SLC4A5: variants seen among roughly 807,000 people sequenced by gnomAD.
SLC4A5 encodes the protein solute carrier family 4 member 5, also known as electrogenic sodium bicarbonate cotransporter 4.
A neutral mutation model predicts 120.4 loss-of-function variants in SLC4A5; 96 were observed. That is an observed-to-expected ratio of 0.80 (90% CI 0.68 to 0.94). The LOEUF is 0.94. SLC4A5 is among the 40% of genes least tolerant of loss of function. SLC4A5 has a pLI of 0.00. For synonymous variants in SLC4A5, 550 were observed against 571.1 expected (o/e 0.96, Z 0.53); for missense variants, 1,259 against 1,459.5 (o/e 0.86, Z 2.24).
chr2:74,247,441 G>A, intron 18 of SLC4A5, 134 bp from the exon 19 acceptor site: 1 of 890,034 alleles, frequency 1.1e-6, no homozygotes, highest in African/African-American at 1.7e-5. Flanking sequence ...TGAAAGACTG[G>A]GGACAGGGAC....
intron 7 of SLC4A5, among the ~76,000 whole-genome samples, chr2:74,293,672 C>T (rs1300303901): frequency 2.0e-5 from 3 of 152,188 alleles, no homozygotes; most frequent in Non-Finnish European, 4.4e-5. Context: ...CCCGGCTCTT[C>T]GTTTTGCTTT....
chr2:74,276,930 T>C (rs1457639268), intron 8 of SLC4A5, among the ~76,000 whole-genome samples: 2 of 152,024 alleles, frequency 1.3e-5, no homozygotes, highest in East Asian at 1.9e-4. Flanking sequence ...AAGAAGCTGG[T>C]TGCAGAAGAG....
chr2:74,318,124 C>A (rs1673010843), intron 5 of SLC4A5, among the ~76,000 whole-genome samples: 1 of 151,894 alleles, frequency 6.6e-6, no homozygotes, highest in Admixed American at 6.6e-5. Context: ...AAACAGACAA[C>A]CTACAGAATG....
chr2:74,338,474 A>G (rs553765896), intron 3 of SLC4A5, among the ~76,000 whole-genome samples: 13 of 152,222 alleles, frequency 8.5e-5, no homozygotes, highest in Non-Finnish European at 1.6e-4. Flanking sequence ...TGAGATGCAG[A>G]TAAGCACAGC....
chr2:74,282,614 C>T (rs1573059015), intron 8 of SLC4A5, among the ~76,000 whole-genome samples: 1 of 152,234 alleles, frequency 6.6e-6, no homozygotes, highest in African/African-American at 2.4e-5. Flanking sequence ...GGTTCCTTCA[C>T]TGGGTCTGGA....
At chr2:74,300,972 C>G (rs1052336022) in intron 7 of SLC4A5, among the ~76,000 whole-genome samples, 1 of 152,140 alleles carries the variant, frequency 6.6e-6, no homozygotes, top group Non-Finnish European at 1.5e-5. Context: ...TTCAAGGAAG[C>G]ATCAAATTTC....
chr2:74,238,130 T>C (rs1444800682), intron 21 of SLC4A5, among the ~76,000 whole-genome samples: 1 of 151,736 alleles, frequency 6.6e-6, no homozygotes, highest in Non-Finnish European at 1.5e-5. Flanking sequence ...AAAATAATAA[T>C]AACATAGCAG....
chr2:74,317,590 T>A (rs1318739116), intron 5 of SLC4A5, among the ~76,000 whole-genome samples: 1 of 152,124 alleles, frequency 6.6e-6, no homozygotes, highest in Non-Finnish European at 1.5e-5. Flanking sequence ...CTACTCAGAA[T>A]ATGGAGGGGC....
chr2:74,232,705 G>A, intron 23 of SLC4A5, 58 bp from the exon 24 acceptor site: 1 of 1,583,532 alleles, frequency 6.3e-7, no homozygotes, highest in Non-Finnish European at 8.6e-7. Context: ...CCTCCTGGAT[G>A]CAACCATTCT....
chr2:74,260,381 CT>C (rs1039888439), intron 11 of SLC4A5, among the ~76,000 whole-genome samples: 1 of 152,084 alleles, frequency 6.6e-6, no homozygotes, highest in Non-Finnish European at 1.5e-5. Context: ...CTCTCATCCC[CT>C]CCAGGTGCCT....
At chr2:74,263,977 G>C (rs540289716) in intron 10 of SLC4A5, among the ~76,000 whole-genome samples, 170 bp downstream of exon 10, 1 of 152,234 alleles carries the variant, frequency 6.6e-6, no homozygotes, top group East Asian at 1.9e-4. Context: ...GGAACAACAC[G>C]GGAGTGTGGC....
intron 6 of SLC4A5, among the ~76,000 whole-genome samples, chr2:74,310,194 T>A (rs1672764317): frequency 6.6e-6 from 1 of 152,220 alleles, no homozygotes. Flanking sequence ...TTATGGGAGT[T>A]GTTTGGTAAA....
Position 74,332,726 on chromosome 2 carries a change from CGT to C in SLC4A5, c.-70+1299_-70+1300del, listed in dbSNP as rs1376179870. Among the ~76,000 whole-genome samples the C allele has an allele frequency of 1.1e-4, 16 of 141,232 alleles. No homozygotes were observed. The East Asian group carries it at 3.0e-3, about 27-fold the overall frequency. 92.7% of individuals were successfully genotyped at this position (141,232 alleles called of 152,430 possible). On this transcript the variant is annotated intron_variant, in intron 4 of 30. Transcript: ENST00000394019. ...ATTTGTGTGTGTGTGTGTGTGTGTG[CGT>C]GTGTGTGCGCATGTATGTGCATGAA...
At chr2:74,238,065 T>G (rs1399255578) in intron 21 of SLC4A5, among the ~76,000 whole-genome samples, 2 of 152,018 alleles carry the variant, frequency 1.3e-5, no homozygotes, top group Admixed American at 1.3e-4. Context: ...TCATGCCATT[T>G]CACTCCCACC....
chr2:74,336,538 C>T (rs1005397175), intron 3 of SLC4A5, among the ~76,000 whole-genome samples: 1 of 152,216 alleles, frequency 6.6e-6, no homozygotes, highest in South Asian at 2.1e-4. Flanking sequence ...AGGTAACATA[C>T]ATGAAACATT....
At position 74,330,425 on chromosome 2, in the gene SLC4A5, G is replaced by A. The variant is rs1673326636; in HGVS notation, c.-69-2239C>T. ...GGTGAGGTGTAGATGGTGGTGGTGA[G>A]GTCTAGATGGAGATGTGTGGTTTAG... On this transcript the variant is annotated intron_variant, in intron 4 of 30. Coordinates refer to ENST00000394019, the Ensembl canonical transcript of SLC4A5. Among the ~76,000 whole-genome samples the A allele has an allele frequency of 4.7e-5, 7 of 149,966 alleles. No individual in the cohort carries two copies. The South Asian group carries it at 1.5e-3, about 32-fold the overall frequency.
intron 8 of SLC4A5, among the ~76,000 whole-genome samples, chr2:74,272,321 A>G (rs1204766450): frequency 6.6e-6 from 1 of 152,220 alleles, no homozygotes; most frequent in Non-Finnish European, 1.5e-5. Flanking sequence ...TGAATTTTCC[A>G]TAATAAAATC....
intron 22 of SLC4A5, 35 bp from the exon 23 acceptor site, chr2:74,233,598 C>A (rs761236995): frequency 6.3e-7 from 1 of 1,579,484 alleles, no homozygotes; most frequent in South Asian, 1.1e-5. Context: ...GCCCTTTCCT[C>A]TCTCCCTTGT....
At chr2:74,268,623 T>A (rs1671379288) in intron 8 of SLC4A5, among the ~76,000 whole-genome samples, 1 of 152,254 alleles carries the variant, frequency 6.6e-6, no homozygotes, top group South Asian at 2.1e-4. Context: ...CTCTCAGAAG[T>A]GGAATTACTG....
Sources: allele counts gnomAD v4.1 joint callset (sites outside exome capture counted in the v4.1 genomes callset), GRCh38; gene constraint gnomAD v4.1.1; transcripts MANE v1.5; gene names NCBI Gene and HGNC (gene_info 2026-07-23, HGNC 2026-07-21).